The following ZFHX3 variants were observed in gnomAD, a reference collection of about 807,000 sequenced individuals.
The protein encoded by ZFHX3 is zinc finger homeobox protein 3.
In ZFHX3, 42 loss-of-function variants were observed where a neutral mutation model predicts 279.1. That is an observed-to-expected ratio of 0.15 (90% CI 0.12 to 0.19). The LOEUF (loss-of-function observed/expected upper bound fraction) is 0.19. Among genes scored for constraint, ZFHX3 ranks in the 10% least tolerant of loss-of-function variants. The pLI, the probability that ZFHX3 is intolerant of heterozygous loss-of-function variation, is 1.00. For synonymous variants in ZFHX3, 2,293 were observed against 1,957.8 expected (o/e 1.17, Z -4.52); for missense variants, 4,981 against 4,754.0 (o/e 1.05, Z -1.40).
At chr16:73,677,501 G>A (rs1003367354) in intron 2 of ZFHX3, among the ~76,000 whole-genome samples, 3 of 151,880 alleles carry the variant, frequency 2.0e-5, no homozygotes, top group South Asian at 4.1e-4. Context: ...CAGAACAACT[G>A]GAAATAGTAA....
chr16:73,815,935 A>G (rs906713015), intron 1 of ZFHX3: 9 of 152,200 alleles, frequency 5.9e-5, no homozygotes, highest in African/African-American at 9.6e-5. Flanking sequence ...TGAAGATGAC[A>G]TCATCAGGAG....
At chr16:73,778,317 T>G (rs184771597) in intron 1 of ZFHX3, among the ~76,000 whole-genome samples, 1 of 151,214 alleles carries the variant, frequency 6.6e-6, no homozygotes, top group East Asian at 2.0e-4. Flanking sequence ...TTGATGTCAC[T>G]TACCATTTGG....
chr16:73,818,771 A>G (rs779102748), intron 1 of ZFHX3, among the ~76,000 whole-genome samples: 5 of 152,196 alleles, frequency 3.3e-5, no homozygotes, highest in Admixed American at 1.3e-4. Flanking sequence ...GTGTTTTCAA[A>G]CTTAAATTGC....
At chr16:73,496,296 C>T (rs2019141033) in intron 2 of ZFHX3, among the ~76,000 whole-genome samples, 2 of 152,136 alleles carry the variant, frequency 1.3e-5, no homozygotes, top group Non-Finnish European at 2.9e-5. Context: ...TTTGGGAGGC[C>T]GAGGCAGGCA....
intron 4 of ZFHX3, among the ~76,000 whole-genome samples, chr16:72,855,177 A>C (rs890545236): frequency 2.6e-5 from 4 of 152,228 alleles, no homozygotes; most frequent in African/African-American, 9.6e-5. Context: ...CAACTCCACA[A>C]GGCTGGGGTT....
At chr16:72,885,390 G>C (rs2038598233) in intron 4 of ZFHX3, among the ~76,000 whole-genome samples, 1 of 152,262 alleles carries the variant, frequency 6.6e-6, no homozygotes, top group South Asian at 2.1e-4. Context: ...GCTGCTACCA[G>C]AAGATTCTGA....
chr16:73,236,484 C>T (rs575632101), intron 5 of ZFHX3, among the ~76,000 whole-genome samples: 249 of 152,142 alleles, frequency 1.6e-3, no homozygotes, highest in Admixed American at 4.3e-3. Context: ...CAGCTACTTG[C>T]GGGGCTGAAG....
intron 1 of ZFHX3, among the ~76,000 whole-genome samples, chr16:73,686,030 C>G (rs2053078672): frequency 6.6e-6 from 1 of 152,198 alleles, no homozygotes; most frequent in African/African-American, 2.4e-5. Flanking sequence ...TTGAACTTCT[C>G]CGAATCTTCA....
chr16:73,758,663 G>T (rs1423668841), intron 1 of ZFHX3, among the ~76,000 whole-genome samples: 1 of 152,186 alleles, frequency 6.6e-6, no homozygotes, highest in African/African-American at 2.4e-5. Context: ...GATCTAACAG[G>T]GTCACAGGGA....
chr16:73,544,609 T>C (rs2020078617), intron 2 of ZFHX3, among the ~76,000 whole-genome samples: 1 of 152,068 alleles, frequency 6.6e-6, no homozygotes, highest in South Asian at 2.1e-4. Context: ...GACCTATCAC[T>C]GTGCAAGGGG....
intron 3 of ZFHX3, among the ~76,000 whole-genome samples, chr16:73,433,453 C>T (rs1037763197): frequency 1.3e-5 from 2 of 152,134 alleles, no homozygotes; most frequent in South Asian, 2.1e-4. Context: ...CTCAGCAAGG[C>T]GCCCAATGAG....
At chr16:73,749,712 A>T (rs2053742226) in intron 1 of ZFHX3, among the ~76,000 whole-genome samples, 1 of 152,204 alleles carries the variant, frequency 6.6e-6, no homozygotes, top group African/African-American at 2.4e-5. Context: ...GTGCACTGGA[A>T]TGCATCACAA....
upstream of ZFHX3, chr16:73,048,174 G>T (rs1304778236): frequency 1.3e-5 from 2 of 153,062 alleles, no homozygotes; most frequent in Non-Finnish European, 2.9e-5. Flanking sequence ...GGGGAAGGGG[G>T]GCGGGCGGGG....
At chr16:73,303,004 G>C (rs183482961) in intron 4 of ZFHX3, among the ~76,000 whole-genome samples, 16 of 152,056 alleles carry the variant, frequency 1.1e-4, no homozygotes, top group Non-Finnish European at 8.8e-5. Context: ...AAATGGGCAG[G>C]ATTCTGAAAC....
intron 1 of ZFHX3, among the ~76,000 whole-genome samples, chr16:72,976,683 G>A (rs746195601): frequency 3.3e-5 from 5 of 152,182 alleles, no homozygotes; most frequent in African/African-American, 7.2e-5. Context: ...GTTACTGCTC[G>A]CCTCATTCCA....
intron 1 of ZFHX3, among the ~76,000 whole-genome samples, chr16:73,815,367 G>A (rs1960538804): frequency 3.3e-5 from 5 of 152,170 alleles, no homozygotes; most frequent in African/African-American, 1.2e-4. Flanking sequence ...ACCTGAACTT[G>A]GCAACAGAAA....
chr16:72,810,510 C>T lies in ZFHX3; in HGVS notation c.3864+1067G>A, dbSNP rs117960495. ...CAGGAAATGACTTTCATAGCAGCAC[C>T]AACATAGTCAAAAGTAGGACATCAC... On this transcript the variant is annotated intron_variant, in intron 7 of 9. Coordinates refer to ENST00000268489, the MANE Select transcript of ZFHX3 (RefSeq NM_006885.4). 2.9e-3 allele frequency among the ~76,000 whole-genome samples: 445 copies of T among 152,316 alleles called. 1 individual carries two copies. The highest frequency in any genetic ancestry group is 3.3e-3 in the Non-Finnish European group (227 of 68,022).
chr16:73,548,859 A>G (rs1295785683), intron 2 of ZFHX3, among the ~76,000 whole-genome samples: 1 of 152,212 alleles, frequency 6.6e-6, no homozygotes, highest in East Asian at 1.9e-4. Flanking sequence ...ACGATTCTCT[A>G]TAAAAAATAT....
chr16:73,292,447 T>C (rs935517702), intron 4 of ZFHX3, among the ~76,000 whole-genome samples: 1 of 152,206 alleles, frequency 6.6e-6, no homozygotes, highest in African/African-American at 2.4e-5. Flanking sequence ...CCCCTTGACA[T>C]TGTGAGTTAT....
Sources: gnomAD v4.1 joint callset for allele counts (sites outside exome capture counted in the v4.1 genomes callset) on GRCh38, gnomAD v4.1.1 for gene constraint, MANE v1.5 for transcripts, NCBI Gene and HGNC (gene_info 2026-07-23, HGNC 2026-07-21) for gene names.